The following ZBTB16 variants were observed in gnomAD, a reference collection of about 807,000 sequenced individuals.
The protein encoded by ZBTB16 is zinc finger and BTB domain-containing protein 16.
In ZBTB16, 8 loss-of-function variants were observed where a neutral mutation model predicts 56.8. The observed-to-expected ratio is 0.14, with a 90% CI of 0.08 to 0.25. The LOEUF (loss-of-function observed/expected upper bound fraction) is 0.25, where lower values mean the gene tolerates loss of function less well. Among genes scored for constraint, ZBTB16 ranks in the 10% least tolerant of loss-of-function variants. The probability of loss-of-function intolerance (pLI) is 1.00; values close to 1 mark genes in which losing one functional copy is unlikely to be tolerated. For synonymous variants in ZBTB16, 363 were observed against 368.5 expected (o/e 0.98, Z 0.17); for missense variants, 625 against 903.0 (o/e 0.69, Z 3.95).
chr11:114,080,612 GA>G (rs2137695718), intron 2 of ZBTB16, among the ~76,000 whole-genome samples: 1 of 152,284 alleles, frequency 6.6e-6, no homozygotes, highest in South Asian at 2.1e-4. Flanking sequence ...GTGCTAATTT[GA>G]ATGCTCCCAA....
intron 4 of ZBTB16, among the ~76,000 whole-genome samples, chr11:114,233,444 A>T (rs1290182751): frequency 6.6e-6 from 1 of 151,878 alleles, no homozygotes; most frequent in Non-Finnish European, 1.5e-5. Flanking sequence ...GCAACTTAAC[A>T]TGCCCCCTTC....
At chr11:114,214,369 A>G (rs1388729634) in intron 4 of ZBTB16, among the ~76,000 whole-genome samples, 1 of 152,200 alleles carries the variant, frequency 6.6e-6, no homozygotes, top group African/African-American at 2.4e-5. Flanking sequence ...TGATATTAAT[A>G]ACTGTGATAG....
chr11:114,088,592 C>G (rs1259600956), intron 2 of ZBTB16, among the ~76,000 whole-genome samples: 1 of 152,164 alleles, frequency 6.6e-6, no homozygotes, highest in Non-Finnish European at 1.5e-5. Flanking sequence ...CATAGGTATT[C>G]AGTACCTCTT....
At chr11:114,073,715 T>G (rs1939436559) in intron 2 of ZBTB16, among the ~76,000 whole-genome samples, 1 of 152,178 alleles carries the variant, frequency 6.6e-6, no homozygotes, top group African/African-American at 2.4e-5. Flanking sequence ...CCTGAGACAC[T>G]GGGGTGTTAC....
At chr11:114,226,336 G>A (rs1254518110) in intron 4 of ZBTB16, among the ~76,000 whole-genome samples, 1 of 152,186 alleles carries the variant, frequency 6.6e-6, no homozygotes, top group African/African-American at 2.4e-5. Flanking sequence ...TGCTGGTGTT[G>A]GGTAGCTAGA....
chr11:114,234,483 T>C lies in ZBTB16; in HGVS notation c.1454-7684T>C, dbSNP rs575509398. 4.6e-5 allele frequency among the ~76,000 whole-genome samples: 7 copies of C among 152,358 alleles called. No individual in the cohort carries two copies. In the East Asian group the frequency reaches 1.3e-3, roughly 29 times the overall value. ...TTGGAGTTTCCAGGGTTCGGTGGGC[T>C]GATTTGGCCTTCATTGCCCACATAG... On this transcript the variant is annotated intron_variant, in intron 4 of 6. Coordinates refer to ENST00000335953, the MANE Select transcript of ZBTB16 (RefSeq NM_006006.6).
chr11:114,238,802 C>T (rs533816720), intron 4 of ZBTB16, among the ~76,000 whole-genome samples: 17 of 152,192 alleles, frequency 1.1e-4, no homozygotes, highest in Non-Finnish European at 2.2e-4. Flanking sequence ...TCTGCTCTGA[C>T]ATTTGCCAGT....
intron 2 of ZBTB16, among the ~76,000 whole-genome samples, chr11:114,094,355 T>C (rs959964552): frequency 6.6e-6 from 1 of 152,198 alleles, no homozygotes; most frequent in African/African-American, 2.4e-5. Context: ...ATTGACTTTT[T>C]GAGTAAAACA....
intron 2 of ZBTB16, among the ~76,000 whole-genome samples, chr11:114,148,788 C>T (rs536594327): frequency 5.3e-5 from 8 of 151,946 alleles, no homozygotes; most frequent in South Asian, 2.1e-4. Context: ...CCACCGCGCC[C>T]GCCTGCCTGG....
At chr11:114,075,421 A>G (rs1204499821) in intron 2 of ZBTB16, among the ~76,000 whole-genome samples, 1 of 151,978 alleles carries the variant, frequency 6.6e-6, no homozygotes, top group Non-Finnish European at 1.5e-5. Flanking sequence ...AAGGATGTGT[A>G]TACTTCAGTA....
intron 5 of ZBTB16, among the ~76,000 whole-genome samples, chr11:114,244,894 G>A (rs575851027): frequency 1.3e-5 from 2 of 152,222 alleles, no homozygotes; most frequent in South Asian, 4.2e-4. Flanking sequence ...GGTGGCTGCC[G>A]ATGTACGTTT....
chr11:114,191,905 C>G (rs535914154), intron 4 of ZBTB16, among the ~76,000 whole-genome samples: 26 of 152,220 alleles, frequency 1.7e-4, no homozygotes, highest in Admixed American at 9.2e-4. Flanking sequence ...AATGACATGA[C>G]TTGATTTATG....
chr11:114,247,079 T>C, intron 5 of ZBTB16, 119 bp from the exon 6 acceptor site: 3 of 1,336,488 alleles, frequency 2.2e-6, no homozygotes, highest in East Asian at 2.4e-5. Context: ...CCTTAAGTTG[T>C]CTTTGGAGGT....
intron 2 of ZBTB16, among the ~76,000 whole-genome samples, chr11:114,087,335 C>T (rs937369062): frequency 3.3e-5 from 5 of 152,266 alleles, no homozygotes; most frequent in Admixed American, 2.0e-4. Context: ...AGTTGTTTTT[C>T]GTTTTTTGTC....
chr11:114,204,708 C>T (rs559250171), intron 4 of ZBTB16, among the ~76,000 whole-genome samples: 1 of 152,248 alleles, frequency 6.6e-6, no homozygotes, highest in Admixed American at 6.5e-5. Context: ...CACCTCTCAC[C>T]TATTGCTGCT....
intron 3 of ZBTB16, chr11:114,181,013 A>G (rs908726184): frequency 3.3e-5 from 5 of 152,228 alleles, no homozygotes; most frequent in African/African-American, 1.2e-4. Flanking sequence ...CAACAAAACA[A>G]TCACTCATCT....
At chr11:114,187,091 A>G (rs1363232431) in intron 4 of ZBTB16, 53 bp downstream of exon 4, 6 of 1,569,864 alleles carry the variant, frequency 3.8e-6, no homozygotes, top group Non-Finnish European at 5.3e-6. Flanking sequence ...TTGGTAGCAC[A>G]TGGACATGAA....
chr11:114,154,975 G>A (rs537238), intron 2 of ZBTB16, among the ~76,000 whole-genome samples: 7,543 of 152,204 alleles, frequency 0.05, 234 homozygotes, highest in Middle Eastern at 0.085. Context: ...ACACACTGCT[G>A]GGTTCTCATT....
Position 114,250,595 on chromosome 11 carries a change from A to C in ZBTB16, c.*40A>C, listed in dbSNP as rs780674919. 1 of 1,601,624 alleles carries C rather than the reference A, an allele frequency of 6.2e-7. No homozygotes were observed. Among genetic ancestry groups the C allele is most frequent in the Non-Finnish European group, 8.6e-7 (1 of 1,169,300 alleles). On this transcript the variant is annotated 3_prime_UTR_variant, in exon 7 of 7. Coordinates refer to ENST00000335953, the MANE Select transcript of ZBTB16 (RefSeq NM_006006.6). This position sits in a 1 kb window ranked among gnomAD's most constrained non-coding sequence, Gnocchi z 6.0. The stretch of plus-strand genomic sequence containing the variant: ...CGGTGGAGCCGAGCGGGGAGCCAGG[A>C]AAGAAGAGTTGGAGTGAGATGAAGG...
Sources: allele counts gnomAD v4.1 joint callset (sites outside exome capture counted in the v4.1 genomes callset), GRCh38; gene constraint gnomAD v4.1.1; non-coding constraint Gnocchi (gnomAD v3.1); transcripts MANE v1.5; gene names NCBI Gene and HGNC (gene_info 2026-07-23, HGNC 2026-07-21).